PTPRG: variants seen among roughly 807,000 people sequenced by gnomAD.
The protein encoded by PTPRG is receptor-type tyrosine-protein phosphatase gamma.
PTPRG carries 102 observed loss-of-function variants against 165.3 expected under a neutral mutation model. That is an observed-to-expected ratio of 0.62 (90% CI 0.53 to 0.73). The LOEUF (loss-of-function observed/expected upper bound fraction) is 0.73, where lower values mean the gene tolerates loss of function less well. Among genes scored for constraint, PTPRG ranks in the 30% least tolerant of loss-of-function variants. The probability of loss-of-function intolerance (pLI) is 0.00; values close to 1 mark genes in which losing one functional copy is unlikely to be tolerated. For missense variants in PTPRG, 1,866 were observed against 1,861.4 expected (o/e 1.00, Z -0.05); for synonymous variants, 675 against 669.5 (o/e 1.01, Z -0.13).
intron 2 of PTPRG, among the ~76,000 whole-genome samples, chr3:61,777,388 A>G (rs570475497): frequency 6.6e-6 from 1 of 152,352 alleles, no homozygotes; most frequent in African/African-American, 2.4e-5. Flanking sequence ...AAGGCAGAGA[A>G]ATAAGCTTTC....
rs2106744546 is a variant in PTPRG at position 61,561,846 on chromosome 3, G to T, written c.-442G>T. ...GAAGGAGCTGCCTGCCTGAAGCCCG[G>T]AGACGCCGCGCCGCGCTCAGCCCCG... On this transcript the variant is annotated 5_prime_UTR_variant, in exon 1 of 30. Coordinates refer to ENST00000474889, the MANE Select transcript of PTPRG (RefSeq NM_002841.4). 1 of 153,870 alleles carries T rather than the reference G, an allele frequency of 6.5e-6. No individual in the cohort carries two copies. The highest frequency in any genetic ancestry group is 1.8e-4 in the South Asian group (1 of 5,494). The allele number at this position is 153,870 out of a possible 1,614,324, so 9.5% of individuals were successfully genotyped here. A position where few individuals can be genotyped will look rare whatever the true frequency, so the allele number is the denominator to read the frequency against.
chr3:61,709,583 A>G (rs979025317), intron 1 of PTPRG, among the ~76,000 whole-genome samples: 1 of 152,122 alleles, frequency 6.6e-6, no homozygotes, highest in African/African-American at 2.4e-5. Flanking sequence ...TGAAAGTGTT[A>G]GGATTACAGG....
At chr3:61,973,195 T>A (rs184550867) in intron 2 of PTPRG, among the ~76,000 whole-genome samples, 1 of 152,358 alleles carries the variant, frequency 6.6e-6, no homozygotes, top group African/African-American at 2.4e-5. Context: ...TATTTTATAT[T>A]GCAGCTTTGT....
chr3:61,771,669 A>G (rs143091287), intron 2 of PTPRG, among the ~76,000 whole-genome samples: 3 of 152,280 alleles, frequency 2.0e-5, no homozygotes, highest in East Asian at 3.9e-4. Context: ...ATGTGTTCCT[A>G]TGTGAACTGT....
intron 1 of PTPRG, among the ~76,000 whole-genome samples, chr3:61,626,813 G>A (rs1701622074): frequency 6.6e-6 from 1 of 152,126 alleles, no homozygotes; most frequent in South Asian, 2.1e-4. Context: ...TGGCCCACAT[G>A]GCCACCTAGG....
intron 3 of PTPRG, among the ~76,000 whole-genome samples, chr3:61,993,753 C>G (rs973142741): frequency 6.6e-6 from 1 of 151,936 alleles, no homozygotes; most frequent in Non-Finnish European, 1.5e-5. Flanking sequence ...ACTTTATATT[C>G]CAGGAAATAA....
chr3:62,121,154 C>T (rs1703056372), intron 5 of PTPRG, among the ~76,000 whole-genome samples: 1 of 151,176 alleles, frequency 6.6e-6, no homozygotes, highest in South Asian at 2.1e-4. Flanking sequence ...GGGGTTTCAC[C>T]ATGTTAGCCA....
intron 2 of PTPRG, among the ~76,000 whole-genome samples, chr3:61,887,315 C>G (rs2038078939): frequency 6.6e-6 from 1 of 151,662 alleles, no homozygotes; most frequent in South Asian, 2.1e-4. Context: ...TTTCTTTGCT[C>G]TAACTAAGAG....
chr3:62,030,045 C>T (rs1412215607), intron 4 of PTPRG, among the ~76,000 whole-genome samples: 1 of 152,048 alleles, frequency 6.6e-6, no homozygotes, highest in Non-Finnish European at 1.5e-5. Context: ...TTGCAATTTG[C>T]CTCTATCATT....
intron 4 of PTPRG, among the ~76,000 whole-genome samples, chr3:62,056,637 T>A (rs538033903): frequency 6.6e-6 from 1 of 152,286 alleles, no homozygotes; most frequent in East Asian, 1.9e-4. Context: ...ATATCTAAGA[T>A]GTAATAGATG....
Position 62,219,128 on chromosome 3 carries a change from T to A in PTPRG, c.2288+145T>A. The A allele has an allele frequency of 1.7e-6, 2 of 1,149,170 alleles. No individual in the cohort carries two copies. Among genetic ancestry groups the A allele is most frequent in the Non-Finnish European group, 2.5e-6 (2 of 815,892 alleles). The allele number at this position is 1,149,170 out of a possible 1,614,324, so 71.2% of individuals were successfully genotyped here. On this transcript the variant is annotated intron_variant, in intron 13 of 29. Transcript: ENST00000474889. The surrounding 1 kb of genome is among the most constrained non-coding windows in gnomAD (Gnocchi z 4.5). ...GGTCTTGCCACCCGGAAGGCCATCT[T>A]GTCTCTGTTAGATGATGGCAGGGCC...
At chr3:62,060,976 T>C (rs1700790552) in intron 4 of PTPRG, among the ~76,000 whole-genome samples, 1 of 152,366 alleles carries the variant, frequency 6.6e-6, no homozygotes. Flanking sequence ...GGATGCATCC[T>C]AATTTATCTT....
At chr3:62,006,014 T>C (rs550427944) in intron 4 of PTPRG, among the ~76,000 whole-genome samples, 1 of 152,284 alleles carries the variant, frequency 6.6e-6, no homozygotes, top group Admixed American at 6.5e-5. Context: ...GAGATTAATA[T>C]TCTTTTGAAA....
At chr3:61,866,857 A>C (rs912733094) in intron 2 of PTPRG, among the ~76,000 whole-genome samples, 1 of 152,094 alleles carries the variant, frequency 6.6e-6, no homozygotes, top group East Asian at 1.9e-4. Context: ...TTGGCCTGCC[A>C]AAGTGCTGGG....
intron 1 of PTPRG, among the ~76,000 whole-genome samples, chr3:61,628,339 TG>T (rs1258453578): frequency 6.6e-6 from 1 of 152,082 alleles, no homozygotes; most frequent in Non-Finnish European, 1.5e-5. Context: ...TTTTTTGAGA[TG>T]GAGTCTCACT....
At chr3:62,182,953 C>G in intron 8 of PTPRG, among the ~76,000 whole-genome samples, 1 of 152,226 alleles carries the variant, frequency 6.6e-6, no homozygotes, top group East Asian at 1.9e-4. Flanking sequence ...CTACGCCCGG[C>G]TAACAGTAAC....
intron 1 of PTPRG, among the ~76,000 whole-genome samples, chr3:61,588,792 A>G (rs1700499156): frequency 6.6e-6 from 1 of 152,238 alleles, no homozygotes; most frequent in South Asian, 2.1e-4. Context: ...TGAAAAAAAT[A>G]TATACACACA....
At position 61,830,425 on chromosome 3, in the gene PTPRG, A is replaced by G. The variant is rs114256506; in HGVS notation, c.190+81443A>G. The stretch of plus-strand genomic sequence containing the variant: ...TGTCAATCTCTCCAACTGTCTGTCT[A>G]TAGATATCTTTTAAATAGAAAACAA... On this transcript the variant is annotated intron_variant, in intron 2 of 29. Coordinates refer to ENST00000474889, the MANE Select transcript of PTPRG (RefSeq NM_002841.4). Among the ~76,000 whole-genome samples the G allele has an allele frequency of 7.1e-3, 1,082 of 152,244 alleles. 8 individuals carry two copies. Among genetic ancestry groups the G allele is most frequent in the African/African-American group, 0.024 (1,011 of 41,552 alleles).
chr3:62,223,999 A>G (rs907976585), intron 13 of PTPRG, among the ~76,000 whole-genome samples: 3 of 152,324 alleles, frequency 2.0e-5, no homozygotes, highest in African/African-American at 7.2e-5. Context: ...AGAGCTAAAT[A>G]TAGCATAAAT....
Sources: gnomAD v4.1 joint callset for allele counts (sites outside exome capture counted in the v4.1 genomes callset) on GRCh38, gnomAD v4.1.1 for gene constraint, Gnocchi (gnomAD v3.1) non-coding constraint, MANE v1.5 for transcripts, NCBI Gene and HGNC (gene_info 2026-07-23, HGNC 2026-07-21) for gene names.